The following RGPD2 variants were observed in gnomAD, a reference collection of about 807,000 sequenced individuals.
The protein encoded by RGPD2 is RANBP2-like and GRIP domain-containing protein 2.
In RGPD2, 2 loss-of-function variants were observed where a neutral mutation model predicts 36.0. That is an observed-to-expected ratio of 0.06 (90% CI 0.02 to 0.17). RGPD2 has a LOEUF of 0.17. RGPD2 is among the 10% of genes least tolerant of loss of function. RGPD2 has a pLI of 1.00. For missense variants in RGPD2, 40 were observed against 464.3 expected (o/e 0.09, Z 8.40); for synonymous variants, 19 against 163.8 (o/e 0.12, Z 6.75).
chr2:87,934,556 C>T, the RGPD2 span, among the ~76,000 whole-genome samples: 43 of 150,506 alleles, frequency 2.9e-4, no homozygotes, highest in African/African-American at 1.0e-3. Flanking sequence ...CATCTGTTTC[C>T]AGTTTTTTAT....
At chr2:87,760,868 C>T (rs1379495861) in intron 22 of RGPD2, among the ~76,000 whole-genome samples, 1 of 147,948 alleles carries the variant, frequency 6.8e-6, no homozygotes, top group Non-Finnish European at 1.5e-5. Context: ...CTGCCCGCCT[C>T]GGCCTCCCAA....
At chr2:87,875,414 G>A in the RGPD2 span, among the ~76,000 whole-genome samples, 1 of 152,264 alleles carries the variant, frequency 6.6e-6, no homozygotes, top group Non-Finnish European at 1.5e-5. Flanking sequence ...TTAACATGAA[G>A]GGATGTTGAA....
the RGPD2 span, among the ~76,000 whole-genome samples, chr2:87,844,459 T>G: frequency 6.6e-6 from 1 of 150,622 alleles, no homozygotes; most frequent in Non-Finnish European, 1.5e-5. Flanking sequence ...TCTAGGCTGA[T>G]AGCAAAACAT....
At chr2:87,984,791 G>T in the RGPD2 span, among the ~76,000 whole-genome samples, 1 of 151,612 alleles carries the variant, frequency 6.6e-6, no homozygotes, top group Non-Finnish European at 1.5e-5. Context: ...TTAGCCGGGC[G>T]TGGTGGCGGG....
chr2:87,919,576 A>AATTGTT, the RGPD2 span, among the ~76,000 whole-genome samples: 2 of 150,540 alleles, frequency 1.3e-5, no homozygotes, highest in African/African-American at 4.9e-5. Context: ...TCAGCAAAAG[A>AATTGTT]ATTGTTATGA....
chr2:87,917,319 AG>A, the RGPD2 span, among the ~76,000 whole-genome samples: 1 of 114,822 alleles, frequency 8.7e-6, no homozygotes, highest in Non-Finnish European at 1.8e-5. Context: ...AGAATCTGAC[AG>A]GATCTGACTT....
At chr2:87,975,243 A>C in the RGPD2 span, among the ~76,000 whole-genome samples, 2 of 136,964 alleles carry the variant, frequency 1.5e-5, no homozygotes, top group African/African-American at 5.5e-5. Context: ...TTCCCTAAAC[A>C]CCCTCCCCAC....
the RGPD2 span, among the ~76,000 whole-genome samples, chr2:87,973,693 T>TAA: frequency 0.063 from 6,608 of 104,816 alleles, 340 homozygotes; most frequent in African/African-American, 0.13. Context: ...GTGAACCAGC[T>TAA]AAAAAAAAAA....
chr2:87,813,134 A>C (rs1192937863), intron 4 of RGPD2, among the ~76,000 whole-genome samples: 1 of 152,248 alleles, frequency 6.6e-6, no homozygotes, highest in Non-Finnish European at 1.5e-5. Flanking sequence ...ACCTGTAAAC[A>C]CATATAAATA....
the RGPD2 span, among the ~76,000 whole-genome samples, chr2:87,876,958 C>T: frequency 2.6e-5 from 4 of 152,120 alleles, no homozygotes; most frequent in Non-Finnish European, 5.9e-5. Context: ...TTATATAATA[C>T]CCTTCATTGT....
the RGPD2 span, among the ~76,000 whole-genome samples, chr2:87,837,172 A>G: frequency 6.6e-6 from 1 of 150,386 alleles, no homozygotes; most frequent in Admixed American, 6.6e-5. Context: ...AAATCATCAA[A>G]GCAGAAAACT....
chr2:87,964,143 G>A, the RGPD2 span, among the ~76,000 whole-genome samples: 3 of 152,236 alleles, frequency 2.0e-5, no homozygotes, highest in Non-Finnish European at 1.5e-5. Context: ...CATCCAAAGA[G>A]AGAATCTTCT....
chr2:87,955,433 A>G, the RGPD2 span, among the ~76,000 whole-genome samples: 199 of 35,644 alleles, frequency 5.6e-3, 6 homozygotes, highest in African/African-American at 0.024. Flanking sequence ...CGCATTCAGC[A>G]TAATTGATGA....
the RGPD2 span, among the ~76,000 whole-genome samples, chr2:87,846,644 A>G: frequency 1.3e-5 from 2 of 152,150 alleles, no homozygotes; most frequent in Admixed American, 6.5e-5. Context: ...ACTACCAGAT[A>G]TATACCAAAA....
the RGPD2 span, among the ~76,000 whole-genome samples, chr2:87,963,407 GCTCATGC>G: frequency 7.7e-6 from 1 of 129,084 alleles, no homozygotes; most frequent in East Asian, 2.4e-4. Context: ...AGGTACCATG[GCTCATGC>G]CTGTAATCCA....
the RGPD2 span, among the ~76,000 whole-genome samples, chr2:87,948,569 C>T: frequency 1.3e-4 from 19 of 144,118 alleles, no homozygotes; most frequent in Admixed American, 7.6e-4. Context: ...TTAGTAGAGA[C>T]GGGGTTTCTC....
the RGPD2 span, among the ~76,000 whole-genome samples, chr2:87,831,110 T>C: frequency 3.3e-5 from 5 of 152,318 alleles, no homozygotes; most frequent in Non-Finnish European, 5.9e-5. Context: ...ACTTAAATAA[T>C]TGGATTCATG....
the RGPD2 span, among the ~76,000 whole-genome samples, chr2:87,854,678 A>G: frequency 6.6e-6 from 1 of 152,216 alleles, no homozygotes; most frequent in Non-Finnish European, 1.5e-5. Flanking sequence ...ATATGCATTT[A>G]AGATTGTTCC....
chr2:87,769,196 G>A (rs1685038852), intron 22 of RGPD2, among the ~76,000 whole-genome samples: 1 of 123,184 alleles, frequency 8.1e-6, no homozygotes, highest in African/African-American at 2.9e-5. Flanking sequence ...TCGAACTCCT[G>A]ACCTCAGGTG....
Sources: allele counts gnomAD v4.1 joint callset (sites outside exome capture counted in the v4.1 genomes callset), GRCh38; gene constraint gnomAD v4.1.1; transcripts MANE v1.5; gene names NCBI Gene and HGNC (gene_info 2026-07-23, HGNC 2026-07-21).